Variants in CSMD1 observed in about 807,000 individuals in gnomAD.
CSMD1 encodes the protein CUB and sushi domain-containing protein 1.
In CSMD1, 213 loss-of-function variants were observed where a neutral mutation model predicts 417.5. The ratio of observed to expected loss-of-function variants is 0.51; its 90% CI spans 0.46 to 0.57. CSMD1 has a LOEUF of 0.57. Among genes scored for constraint, CSMD1 ranks in the 20% least tolerant of loss-of-function variants. CSMD1 has a pLI of 0.00. For synonymous variants in CSMD1, 2,862 were observed against 1,736.8 expected, an observed-to-expected ratio of 1.65 and a Z score of -16.11; for missense variants, 6,923 against 4,529.7, an observed-to-expected ratio of 1.53 and a Z score of -15.17.
intron 12 of CSMD1, among the ~76,000 whole-genome samples, chr8:3,446,275 A>G (rs1046479809): frequency 6.6e-5 from 10 of 152,238 alleles, no homozygotes; most frequent in Admixed American, 2.0e-4. Context: ...CGTGTGCTGC[A>G]TGGGCTATTG....
At chr8:3,362,773 C>T (rs1436380545) in intron 20 of CSMD1, among the ~76,000 whole-genome samples, 2 of 152,082 alleles carry the variant, frequency 1.3e-5, no homozygotes, top group East Asian at 3.9e-4. Context: ...ATCTTGACCC[C>T]ACTCTGTATT....
intron 25 of CSMD1, among the ~76,000 whole-genome samples, chr8:3,300,485 C>G (rs547274391): frequency 1.4e-4 from 22 of 152,192 alleles, no homozygotes; most frequent in African/African-American, 5.3e-4. Context: ...ATAGCAAGCT[C>G]AGGCGAGTGA....
chr8:4,075,668 C>T (rs923058541), intron 3 of CSMD1, among the ~76,000 whole-genome samples: 4 of 152,170 alleles, frequency 2.6e-5, no homozygotes, highest in East Asian at 1.9e-4. Flanking sequence ...ATTTGTGAGA[C>T]GTTTTGGAGC....
chr8:3,872,873 G>T (rs1007799879), intron 5 of CSMD1, among the ~76,000 whole-genome samples: 1 of 150,190 alleles, frequency 6.7e-6, no homozygotes, highest in Non-Finnish European at 1.5e-5. Context: ...GAAAACAGCT[G>T]CATTAAAAAG....
At chr8:4,755,514 C>T (rs973490608) in intron 1 of CSMD1, among the ~76,000 whole-genome samples, 1 of 151,882 alleles carries the variant, frequency 6.6e-6, no homozygotes, top group African/African-American at 2.4e-5. Flanking sequence ...TTGATGTTTC[C>T]TGCTTTCAAC....
At chr8:4,182,042 GTC>G (rs879838337) in intron 3 of CSMD1, among the ~76,000 whole-genome samples, 75 of 67,890 alleles carry the variant, frequency 1.1e-3, no homozygotes, top group East Asian at 1.7e-3. Context: ...GTGTGTGTGT[GTC>G]GGTGTGTGTG....
At chr8:4,935,965 C>T (rs1046462612) in intron 1 of CSMD1, among the ~76,000 whole-genome samples, 2 of 152,194 alleles carry the variant, frequency 1.3e-5, no homozygotes, top group African/African-American at 2.4e-5. Context: ...ACTGCCTTTT[C>T]AGCAGCTTCA....
chr8:3,002,237 A>T (rs1296266973), intron 52 of CSMD1, among the ~76,000 whole-genome samples: 1 of 152,212 alleles, frequency 6.6e-6, no homozygotes, highest in Non-Finnish European at 1.5e-5. Context: ...GACCCCCTGA[A>T]GGCACAAGTG....
At chr8:2,962,158 T>C (rs1010298045) in intron 61 of CSMD1, among the ~76,000 whole-genome samples, 1 of 152,194 alleles carries the variant, frequency 6.6e-6, no homozygotes, top group African/African-American at 2.4e-5. Context: ...TGTTCCTACC[T>C]GCACCTTTCC....
chr8:3,900,584 ACT>A (rs1388388643), intron 5 of CSMD1, among the ~76,000 whole-genome samples: 17 of 151,480 alleles, frequency 1.1e-4, no homozygotes, highest in Admixed American at 9.2e-4. Context: ...GCTGGATGAC[ACT>A]CTAGCTGGGT....
intron 5 of CSMD1, among the ~76,000 whole-genome samples, chr8:3,908,492 C>T (rs2129137890): frequency 6.6e-6 from 1 of 152,222 alleles, no homozygotes; most frequent in South Asian, 2.1e-4. Flanking sequence ...CCAGTATCCC[C>T]TGGTAAAAAA....
intron 2 of CSMD1, among the ~76,000 whole-genome samples, chr8:4,531,840 A>C (rs1018364193): frequency 6.6e-6 from 1 of 152,210 alleles, no homozygotes; most frequent in African/African-American, 2.4e-5. Flanking sequence ...TATCACTTTG[A>C]AAAGAAATCC....
At chr8:4,295,759 T>A (rs1416929798) in intron 3 of CSMD1, among the ~76,000 whole-genome samples, 1 of 16,722 alleles carries the variant, frequency 6.0e-5, no homozygotes, top group African/African-American at 3.0e-4. Context: ...TGTATATATA[T>A]ATATATATAT....
In CSMD1 at chr8:3,206,139, G is replaced by T. The variant is rs112358381; in HGVS notation, c.4868-519C>A. Among the ~76,000 whole-genome samples, 487 of 151,720 alleles carry T rather than the reference G, an allele frequency of 3.2e-3. 5 individuals carry two copies. Among genetic ancestry groups the T allele is most frequent in the African/African-American group, 0.011 (455 of 41,322 alleles). On this transcript the variant is annotated intron_variant, in intron 30 of 69. Coordinates refer to ENST00000635120, the MANE Select transcript of CSMD1 (RefSeq NM_033225.6). The stretch of plus-strand genomic sequence containing the variant: ...ATGCATAATTACTAATGCTTTTGGG[G>T]TCTCTTCCTATGAGTTCAATTTAAA...
chr8:4,607,043 T>G (rs1563329268), intron 2 of CSMD1, among the ~76,000 whole-genome samples: 1 of 152,284 alleles, frequency 6.6e-6, no homozygotes, highest in Non-Finnish European at 1.5e-5. Flanking sequence ...AATCGATCAT[T>G]TGCTCTTCAA....
chr8:4,626,199 T>A (rs998211740), intron 2 of CSMD1, among the ~76,000 whole-genome samples: 1 of 152,160 alleles, frequency 6.6e-6, no homozygotes, highest in African/African-American at 2.4e-5. Context: ...AGCTCAGTTT[T>A]CCTCTTTTGG....
intron 2 of CSMD1, among the ~76,000 whole-genome samples, chr8:4,614,097 G>A (rs905825995): frequency 6.6e-6 from 1 of 152,148 alleles, no homozygotes; most frequent in African/African-American, 2.4e-5. Flanking sequence ...GCAAGCCAAT[G>A]TGAGAACGGA....
intron 37 of CSMD1, among the ~76,000 whole-genome samples, chr8:3,175,477 C>CTTCCT (rs1820861769): frequency 1.8e-5 from 1 of 55,312 alleles, no homozygotes; most frequent in Non-Finnish European, 4.4e-5. Context: ...CTTCTTTTCC[C>CTTCCT]TTCCTTCCTG....
chr8:4,551,327 C>T (rs1014529291), intron 2 of CSMD1, among the ~76,000 whole-genome samples: 35 of 152,204 alleles, frequency 2.3e-4, no homozygotes, highest in African/African-American at 7.5e-4. Context: ...CATGGTCCCC[C>T]GGCTGTGAGT....
Sources: gnomAD v4.1 joint callset for allele counts (sites outside exome capture counted in the v4.1 genomes callset) on GRCh38, gnomAD v4.1.1 for gene constraint, MANE v1.5 for transcripts, NCBI Gene and HGNC (gene_info 2026-07-23, HGNC 2026-07-21) for gene names.